NFYC: variants seen among roughly 807,000 people sequenced by gnomAD.
NFYC encodes the protein nuclear transcription factor Y subunit gamma, also known as CAAT box DNA-binding protein subunit C.
In NFYC, 25 loss-of-function variants were observed where a neutral mutation model predicts 53.1. The observed-to-expected ratio is 0.47, with a 90% CI of 0.34 to 0.66. The LOEUF (loss-of-function observed/expected upper bound fraction) is 0.66. Among genes scored for constraint, NFYC ranks in the 30% least tolerant of loss-of-function variants. NFYC has a pLI of 0.01. For synonymous variants in NFYC, 145 were observed against 152.6 expected (o/e 0.95, Z 0.37); for missense variants, 260 against 422.7 (o/e 0.62, Z 3.38).
chr1:40,743,146 T>C (rs1279082283), intron 2 of NFYC, among the ~76,000 whole-genome samples: 1 of 152,256 alleles, frequency 6.6e-6, no homozygotes, highest in Non-Finnish European at 1.5e-5. Flanking sequence ...ATATATTTCA[T>C]GATGTGTTGG....
intron 1 of NFYC, among the ~76,000 whole-genome samples, chr1:40,709,803 A>G (rs1643876952): frequency 1.3e-5 from 2 of 152,224 alleles, no homozygotes; most frequent in South Asian, 4.1e-4. Context: ...CTAGTTGGGT[A>G]TCGACAAGAT....
intron 5 of NFYC, among the ~76,000 whole-genome samples, chr1:40,756,260 C>T (rs1646214185): frequency 1.3e-5 from 2 of 152,162 alleles, no homozygotes; most frequent in Admixed American, 1.3e-4. Context: ...TCCAGGCTGA[C>T]ATTTATTTAT....
chr1:40,701,396 C>T (rs1020798129), intron 1 of NFYC, among the ~76,000 whole-genome samples: 12 of 152,226 alleles, frequency 7.9e-5, no homozygotes, highest in African/African-American at 2.7e-4. Context: ...CCACTGCGCC[C>T]GGCCTACCTT....
intron 1 of NFYC, among the ~76,000 whole-genome samples, chr1:40,717,782 C>T (rs1033918754): frequency 6.6e-6 from 1 of 152,142 alleles, no homozygotes; most frequent in East Asian, 1.9e-4. Flanking sequence ...TGTAAAATCT[C>T]AAATGGCAGC....
chr1:40,720,884 T>G (rs1371818765), intron 1 of NFYC, among the ~76,000 whole-genome samples: 1 of 152,058 alleles, frequency 6.6e-6, no homozygotes, highest in African/African-American at 2.4e-5. Flanking sequence ...AAAAATTTTT[T>G]TTTAAGTTCT....
intron 6 of NFYC, among the ~76,000 whole-genome samples, chr1:40,758,862 T>C (rs190600224): frequency 6.6e-6 from 1 of 152,350 alleles, no homozygotes; most frequent in African/African-American, 2.4e-5. Flanking sequence ...AACTCTGTAC[T>C]ATGAGCTCTG....
At chr1:40,701,602 T>C (rs1643438498) in intron 1 of NFYC, among the ~76,000 whole-genome samples, 1 of 152,232 alleles carries the variant, frequency 6.6e-6, no homozygotes, top group Admixed American at 6.5e-5. Flanking sequence ...TTAGGTGCTA[T>C]GCTTATGTCC....
intron 5 of NFYC, chr1:40,757,512 G>A: frequency 2.6e-6 from 1 of 383,188 alleles, no homozygotes; most frequent in South Asian, 1.9e-5. Flanking sequence ...AGTACAACCA[G>A]AACCAGATGT....
At chr1:40,711,827 ATATGGACATT>A (rs1480979695) in intron 1 of NFYC, among the ~76,000 whole-genome samples, 2 of 152,124 alleles carry the variant, frequency 1.3e-5, no homozygotes, top group Non-Finnish European at 2.9e-5. Context: ...GGGTCTAGAG[ATATGGACATT>A]TATTTACTCT....
chr1:40,718,824 T>C (rs537066468), intron 1 of NFYC, among the ~76,000 whole-genome samples: 2 of 152,352 alleles, frequency 1.3e-5, no homozygotes, highest in Admixed American at 6.5e-5. Context: ...TCTTGAAACA[T>C]AGAGATCGAT....
Position 40,770,448 on chromosome 1 carries a change from C to T in NFYC, c.889-261C>T. On this transcript the variant is annotated intron_variant, in intron 9 of 9. Transcript: ENST00000447388. This position sits in a 1 kb window ranked among gnomAD's most constrained non-coding sequence, Gnocchi z 5.3. ...CTCTGAGCTAACGGGAGAGGCAGAG[C>T]CCAGAGAAGTGAAAGCCACAGGAAA... 1.3e-6 allele frequency: 2 copies of T among 1,550,618 alleles called. No homozygotes were observed. Among genetic ancestry groups the T allele is most frequent in the Non-Finnish European group, 1.7e-6 (2 of 1,146,952 alleles).
chr1:40,696,444 T>C (rs1402143523), intron 1 of NFYC, among the ~76,000 whole-genome samples: 2 of 152,234 alleles, frequency 1.3e-5, no homozygotes, highest in Non-Finnish European at 2.9e-5. Flanking sequence ...GGAAGCGAAC[T>C]TCAGTTCTTT....
chr1:40,724,850 G>A (rs541678139), intron 1 of NFYC, among the ~76,000 whole-genome samples: 1 of 152,290 alleles, frequency 6.6e-6, no homozygotes, highest in African/African-American at 2.4e-5. Context: ...GTTTGAAAAT[G>A]TGTCCTTGTG....
chr1:40,741,151 A>G (rs1287542646), intron 2 of NFYC, among the ~76,000 whole-genome samples: 1 of 152,168 alleles, frequency 6.6e-6, no homozygotes, highest in East Asian at 1.9e-4. Flanking sequence ...ATCATATCGT[A>G]CAGTCCCCTA....
At chr1:40,765,016 G>T (rs1266665634) in intron 7 of NFYC, among the ~76,000 whole-genome samples, 1 of 152,178 alleles carries the variant, frequency 6.6e-6, no homozygotes, top group Non-Finnish European at 1.5e-5. Flanking sequence ...CCTGGGACAA[G>T]GCTTTAGTTT....
intron 1 of NFYC, among the ~76,000 whole-genome samples, chr1:40,726,018 G>A (rs1193765848): frequency 2.0e-5 from 3 of 152,172 alleles, no homozygotes; most frequent in African/African-American, 7.2e-5. Context: ...TGCTGCTTGA[G>A]GGTCTTGACT....
chr1:40,770,479 C>G lies in NFYC; in HGVS notation c.889-230C>G. On this transcript the variant is annotated intron_variant, in intron 9 of 9. Coordinates refer to ENST00000447388, the MANE Select transcript of NFYC (RefSeq NM_014223.5). The surrounding 1 kb of genome is among the most constrained non-coding windows in gnomAD (Gnocchi z 5.3). ...GAAGTGAAAGCCACAGGAAATTCAA[C>G]TCCCTGCACCTCTTCCCTGCCCACC... 1 of 1,551,288 alleles carries G rather than the reference C, an allele frequency of 6.4e-7. No homozygotes were observed. Among genetic ancestry groups the G allele is most frequent in the Non-Finnish European group, 8.7e-7 (1 of 1,147,096 alleles).
At chr1:40,702,900 T>C (rs189414253) in intron 1 of NFYC, among the ~76,000 whole-genome samples, 3 of 152,180 alleles carry the variant, frequency 2.0e-5, no homozygotes, top group African/African-American at 7.2e-5. Context: ...CACTGCATCC[T>C]CCACCTCCCA....
chr1:40,761,583 C>G lies in NFYC; in HGVS notation c.562-1305C>G, dbSNP rs574440221. ...AAGAAATGTTTTCTGTTAGCCTAGCCCACTGCATGTACTTTTAGAACACTC... is the reference window on the plus strand; with the variant it reads ...AAGAAATGTTTTCTGTTAGCCTAGCGCACTGCATGTACTTTTAGAACACTC... On this transcript the variant is annotated intron_variant, in intron 6 of 9. Transcript: ENST00000447388. Among the ~76,000 whole-genome samples, 8 of 152,184 alleles carry G rather than the reference C, an allele frequency of 5.3e-5. No individual in the cohort carries two copies. The South Asian group carries it at 1.7e-3, about 32-fold the overall frequency.
Sources: gnomAD v4.1 joint callset for allele counts (sites outside exome capture counted in the v4.1 genomes callset) on GRCh38, gnomAD v4.1.1 for gene constraint, Gnocchi (gnomAD v3.1) non-coding constraint, MANE v1.5 for transcripts, NCBI Gene and HGNC (gene_info 2026-07-23, HGNC 2026-07-21) for gene names.